Variants in PGM3 observed in about 807,000 individuals in gnomAD.
PGM3 encodes the protein phosphoacetylglucosamine mutase.
A neutral mutation model predicts 66.2 loss-of-function variants in PGM3; 40 were observed. The ratio of observed to expected loss-of-function variants is 0.60; its 90% CI spans 0.47 to 0.79. The LOEUF (loss-of-function observed/expected upper bound fraction) is 0.79. PGM3 is among the 30% of genes least tolerant of loss of function. PGM3 has a pLI of 0.00. For synonymous variants in PGM3, 191 were observed against 224.2 expected (o/e 0.85, Z 1.32); for missense variants, 537 against 643.4 (o/e 0.83, Z 1.79).
In PGM3 at chr6:83,179,956, T is replaced by G. The variant is rs1249420404; in HGVS notation, c.799A>C (p.Lys267Gln). 8.1e-6 allele frequency: 13 copies of G among 1,609,636 alleles called. No individual in the cohort carries two copies. The highest frequency in any genetic ancestry group is 1.0e-5 in the Non-Finnish European group (12 of 1,177,224). ...AAAGAACAGCATCTTTCATTGGACTTAATTTCCATTCCTAGCACACAGGAT... is the reference window on the plus strand; with the variant it reads ...AAAGAACAGCATCTTTCATTGGACTGAATTTCCATTCCTAGCACACAGGAT... Reference protein sequence around the residue: ...HQKPPQGMEIKSNERCCSFDG... With the variant: ...HQKPPQGMEIQSNERCCSFDG... The change falls in exon 7 of 13, where the codon AAG (lysine) becomes CAG (glutamine). Residue 267 changes from lysine to glutamine, a missense_variant. Coordinates refer to ENST00000513973, the MANE Select transcript of PGM3 (RefSeq NM_015599.3).
At chr6:83,184,105 T>C (rs749328432) in intron 4 of PGM3, among the ~76,000 whole-genome samples, 1 of 152,114 alleles carries the variant, frequency 6.6e-6, no homozygotes, top group African/African-American at 2.4e-5. Context: ...TATACTTTCA[T>C]TGTAAACCTC....
At chr6:83,181,952 T>A (rs1053475850) in intron 5 of PGM3, 21 bp from the exon 6 acceptor site, 1 of 1,520,610 alleles carries the variant, frequency 6.6e-7, no homozygotes, top group African/African-American at 1.4e-5. Context: ...AAAAGACACA[T>A]GGAAGAAAAA....
Position 83,168,905 on chromosome 6 carries a change from G to A in PGM3, c.*329C>T, listed in dbSNP as rs1786456643. ...GATGGTGATGGCAAAGATATCACAA[G>A]GAGTTGGTAATAAGATTTAATTTTC... On this transcript the variant is annotated 3_prime_UTR_variant, in exon 13 of 13. Transcript: ENST00000513973. 9.3e-7 allele frequency: 1 copy of A among 1,072,304 alleles called. No individual in the cohort carries two copies. The allele number at this position is 1,072,304 out of a possible 1,614,324, so 66.4% of individuals were successfully genotyped here.
chr6:83,154,099 CAG>C, the PGM3 span: 2 of 1,612,030 alleles, frequency 1.2e-6, no homozygotes, highest in Non-Finnish European at 1.7e-6. Flanking sequence ...CTGATGAAAT[CAG>C]CTACTCCCCT....
chr6:83,191,716 C>A (rs1446425101), intron 1 of PGM3, among the ~76,000 whole-genome samples: 3 of 152,102 alleles, frequency 2.0e-5, no homozygotes, highest in South Asian at 4.1e-4. Context: ...CGGCCGGGAG[C>A]GGTGGCTCAC....
At chr6:83,191,043 C>T (rs766086833) in intron 1 of PGM3, 29 bp from the exon 2 acceptor site, 48 of 1,591,266 alleles carry the variant, frequency 3.0e-5, no homozygotes, top group Non-Finnish European at 3.7e-5. Context: ...TTGTTTCGGG[C>T]ATAACAAGTA....
At chr6:83,164,798 C>A, downstream of PGM3, 1 of 1,173,424 alleles carries the variant, frequency 8.5e-7, no homozygotes, top group South Asian at 1.4e-5. Context: ...GTCTGAATGT[C>A]AACAAGTACA....
chr6:83,149,082 T>C, the PGM3 span, among the ~76,000 whole-genome samples: 1 of 151,268 alleles, frequency 6.6e-6, no homozygotes, highest in African/African-American at 2.4e-5. Flanking sequence ...ATATACAAAA[T>C]GTAACTACAC....
intron 9 of PGM3, 110 bp downstream of exon 9, chr6:83,175,852 T>A: frequency 1.6e-6 from 1 of 611,322 alleles, no homozygotes; most frequent in South Asian, 2.1e-5. Context: ...TTTTGTCACA[T>A]CCAATTATTT....
chr6:83,192,713 G>C (rs1789231303), intron 1 of PGM3, among the ~76,000 whole-genome samples: 1 of 151,490 alleles, frequency 6.6e-6, no homozygotes, highest in Non-Finnish European at 1.5e-5. Flanking sequence ...AAAAAAAAAA[G>C]GTCCAGATAA....
the PGM3 span, among the ~76,000 whole-genome samples, chr6:83,150,363 C>A: frequency 1.3e-5 from 2 of 148,366 alleles, no homozygotes; most frequent in Non-Finnish European, 3.0e-5. Flanking sequence ...AAATTAAGTT[C>A]ATTTGTTGTG....
chr6:83,160,001 T>G (rs1583182769), downstream of PGM3: 1 of 1,600,398 alleles, frequency 6.2e-7, no homozygotes, highest in East Asian at 2.2e-5. Context: ...TTTTTGAAAG[T>G]GCATTTGCTT....
At chr6:83,152,082 A>C in the PGM3 span, 1 of 1,599,328 alleles carries the variant, frequency 6.3e-7, no homozygotes, top group Non-Finnish European at 8.6e-7. Flanking sequence ...ATATTTACTA[A>C]GAAATCATTT....
intron 10 of PGM3, 106 bp from the exon 11 acceptor site, chr6:83,172,165 A>G: frequency 9.0e-7 from 1 of 1,111,154 alleles, no homozygotes. Flanking sequence ...AACAACCTGA[A>G]TCTGAAACAT....
chr6:83,169,092 TTAAGAAAAA>T lies in PGM3; in HGVS notation c.*133_*141del. On this transcript the variant is annotated 3_prime_UTR_variant, in exon 13 of 13. Coordinates refer to ENST00000513973, the MANE Select transcript of PGM3 (RefSeq NM_015599.3). ...TTATAAAGAATTATTCTGTTAGTGT[TTAAGAAAAA>T]CAGATCTAGAGACAATCCAGTAGGC... 2.1e-6 allele frequency: 3 copies of T among 1,447,828 alleles called. No homozygotes were observed. The highest frequency in any genetic ancestry group is 1.8e-6 in the Non-Finnish European group (2 of 1,105,086). 89.7% of individuals were successfully genotyped at this position (1,447,828 alleles called of 1,614,324 possible). A position where few individuals can be genotyped will look rare whatever the true frequency, so the allele number is the denominator to read the frequency against.
downstream of PGM3, chr6:83,164,574 T>A: frequency 7.7e-7 from 1 of 1,306,528 alleles, no homozygotes; most frequent in East Asian, 2.5e-5. Context: ...CATCTTCCCA[T>A]CCAAATCACC....
Position 83,169,196 on chromosome 6 carries a change from G to T in PGM3, c.*38C>A. The T allele has an allele frequency of 6.2e-7, 1 of 1,611,692 alleles. No homozygotes were observed. The highest frequency in any genetic ancestry group is 8.5e-7 in the Non-Finnish European group (1 of 1,178,780). ...ATTATTGACAGTTTTGTAAAGACTT[G>T]TAAAAAGTCCAGTTTCTCAGGAATA... is the stretch of plus-strand genomic sequence containing the variant. On this transcript the variant is annotated 3_prime_UTR_variant, in exon 13 of 13. Coordinates refer to ENST00000513973, the MANE Select transcript of PGM3 (RefSeq NM_015599.3).
the PGM3 span, chr6:83,151,726 CAAATA>C: frequency 6.7e-7 from 1 of 1,502,962 alleles, no homozygotes; most frequent in East Asian, 2.3e-5. Flanking sequence ...ATGAGAGAGT[CAAATA>C]AAATAAACTG....
At chr6:83,193,480 G>C (rs1583308268), upstream of PGM3, 1 of 152,368 alleles carries the variant, frequency 6.6e-6, no homozygotes, top group East Asian at 1.9e-4. Flanking sequence ...TTGGGGCCGA[G>C]GGTCGCGGGC....
Sources: allele counts gnomAD v4.1 joint callset (sites outside exome capture counted in the v4.1 genomes callset), GRCh38; gene constraint gnomAD v4.1.1; transcripts MANE v1.5; gene names NCBI Gene and HGNC (gene_info 2026-07-23, HGNC 2026-07-21).